The following SESTD1 variants were observed in gnomAD, a reference collection of about 807,000 sequenced individuals.
The protein encoded by SESTD1 is SEC14 and spectrin domain containing 1, also known as SEC14 domain and spectrin repeat-containing protein 1.
In SESTD1, 43 loss-of-function variants were observed where a neutral mutation model predicts 101.7. The observed-to-expected ratio is 0.42, with a 90% CI of 0.33 to 0.55. The LOEUF is 0.55. Ranked by LOEUF, SESTD1 falls within the 20% of genes least tolerant of loss-of-function variation. The probability of loss-of-function intolerance (pLI) is 0.07; values close to 1 mark genes in which losing one functional copy is unlikely to be tolerated. For missense variants in SESTD1, 647 were observed against 815.1 expected, an observed-to-expected ratio of 0.79 and a Z score of 2.51; for synonymous variants, 283 against 286.8, an observed-to-expected ratio of 0.99 and a Z score of 0.13.
At chr2:179,264,191 G>A (rs938239348) in intron 1 of SESTD1, 3 of 152,146 alleles carry the variant, frequency 2.0e-5, no homozygotes, top group Admixed American at 2.0e-4. Context: ...GCGCGGCCCG[G>A]TCTCTGCGGG....
chr2:179,200,449 A>G (rs1262304580), intron 1 of SESTD1, among the ~76,000 whole-genome samples: 1 of 149,570 alleles, frequency 6.7e-6, no homozygotes, highest in African/African-American at 2.5e-5. Context: ...ACCAAAAAAG[A>G]GCCCGCATCA....
In SESTD1 at chr2:179,227,617, T is replaced by A. The variant is rs190099274; in HGVS notation, c.-25-35751A>T. Among the ~76,000 whole-genome samples, 470 of 152,290 alleles carry A rather than the reference T, an allele frequency of 3.1e-3. 5 individuals are homozygous for A. Among genetic ancestry groups the A allele is most frequent in the African/African-American group, 0.011 (454 of 41,556 alleles). ...ATTTAAAAATACGGAACTATGATAA[T>A]TGTTTCCTTTACAAAAAATGATTTA... On this transcript the variant is annotated intron_variant, in intron 1 of 17. Coordinates refer to ENST00000428443, the MANE Select transcript of SESTD1 (RefSeq NM_178123.5).
chr2:179,235,523 T>TTTTTGG (rs1324768653), intron 1 of SESTD1, among the ~76,000 whole-genome samples: 2 of 152,206 alleles, frequency 1.3e-5, no homozygotes, highest in East Asian at 3.8e-4. Context: ...CCCACATACG[T>TTTTTGG]ATTATAAAAA....
intron 2 of SESTD1, among the ~76,000 whole-genome samples, chr2:179,189,069 C>A (rs539989048): frequency 1.3e-5 from 2 of 152,030 alleles, no homozygotes; most frequent in Non-Finnish European, 2.9e-5. Flanking sequence ...ATTCCCTCTT[C>A]TGTAAAGCCA....
intron 1 of SESTD1, among the ~76,000 whole-genome samples, chr2:179,234,945 T>TAA (rs35629599): frequency 6.1e-5 from 8 of 130,430 alleles, no homozygotes; most frequent in Non-Finnish European, 8.3e-5. Context: ...CTCATCTCTT[T>TAA]AAAAAAAAAA....
chr2:179,117,789 TACATCAAA>T (rs1164787444), intron 13 of SESTD1, among the ~76,000 whole-genome samples, 176 bp from the exon 14 acceptor site: 1 of 152,222 alleles, frequency 6.6e-6, no homozygotes, highest in Non-Finnish European at 1.5e-5. Context: ...ATATCAATGT[TACATCAAA>T]ACATCAAAAT....
At chr2:179,123,893 T>G in intron 11 of SESTD1, 64 bp from the exon 12 acceptor site, 1 of 1,186,652 alleles carries the variant, frequency 8.4e-7, no homozygotes, top group South Asian at 1.3e-5. Flanking sequence ...GTTTAATGAT[T>G]AATGAGGTTT....
At chr2:179,161,849 T>C (rs943473281) in intron 5 of SESTD1, among the ~76,000 whole-genome samples, 4 of 152,188 alleles carry the variant, frequency 2.6e-5, no homozygotes, top group African/African-American at 9.7e-5. Context: ...TAGATAACTC[T>C]TTGAATGTGT....
intron 1 of SESTD1, among the ~76,000 whole-genome samples, chr2:179,255,065 A>G (rs1346417081): frequency 6.6e-6 from 1 of 152,092 alleles, no homozygotes; most frequent in Non-Finnish European, 1.5e-5. Context: ...TAATCAATAC[A>G]TATTGTGTGT....
intron 10 of SESTD1, among the ~76,000 whole-genome samples, chr2:179,128,848 T>C (rs1161251417): frequency 6.6e-6 from 1 of 151,836 alleles, no homozygotes; most frequent in African/African-American, 2.4e-5. Context: ...TATATTTAAC[T>C]GTGTAGAAAA....
intron 16 of SESTD1, among the ~76,000 whole-genome samples, chr2:179,114,651 C>T (rs967506552): frequency 2.0e-5 from 3 of 151,912 alleles, no homozygotes; most frequent in East Asian, 1.9e-4. Flanking sequence ...TTTAATGTCC[C>T]GACTTTATAA....
At chr2:179,209,431 T>A (rs1226478262) in intron 1 of SESTD1, among the ~76,000 whole-genome samples, 4 of 134,780 alleles carry the variant, frequency 3.0e-5, no homozygotes, top group Non-Finnish European at 6.4e-5. Context: ...ATTCTTTTCA[T>A]CAGCATATGG....
intron 3 of SESTD1, among the ~76,000 whole-genome samples, chr2:179,178,882 A>G (rs1182978543): frequency 1.3e-5 from 2 of 152,248 alleles, no homozygotes; most frequent in African/African-American, 4.8e-5. Flanking sequence ...TTCAAAGCAC[A>G]CTATAAATTA....
chr2:179,210,065 A>G (rs2046632299), intron 1 of SESTD1, among the ~76,000 whole-genome samples: 1 of 134,092 alleles, frequency 7.5e-6, no homozygotes, highest in South Asian at 2.9e-4. Flanking sequence ...GAACACCATT[A>G]TGCACACAAA....
chr2:179,184,910 T>G (rs2046184324), intron 2 of SESTD1, among the ~76,000 whole-genome samples: 1 of 152,084 alleles, frequency 6.6e-6, no homozygotes, highest in Non-Finnish European at 1.5e-5. Context: ...TAATCACCAG[T>G]GTAAAAGTAC....
chr2:179,148,875 A>G (rs1478724067), intron 7 of SESTD1, among the ~76,000 whole-genome samples: 1 of 151,942 alleles, frequency 6.6e-6, no homozygotes, highest in Non-Finnish European at 1.5e-5. Flanking sequence ...TCTGGGTAAC[A>G]TGGTGAAACG....
At chr2:179,129,919 A>G (rs987622601) in intron 10 of SESTD1, among the ~76,000 whole-genome samples, 3 of 152,196 alleles carry the variant, frequency 2.0e-5, no homozygotes, top group East Asian at 1.9e-4. Context: ...CTTCCTATCC[A>G]GCTTCAATAA....
intron 5 of SESTD1, among the ~76,000 whole-genome samples, chr2:179,152,746 A>T (rs1383619720): frequency 6.6e-6 from 1 of 152,148 alleles, no homozygotes; most frequent in Non-Finnish European, 1.5e-5. Context: ...ATCAAATTTG[A>T]GTGTACAACA....
intron 1 of SESTD1, among the ~76,000 whole-genome samples, chr2:179,255,126 C>G (rs75068503): frequency 0.029 from 4,379 of 152,278 alleles, 57 homozygotes; most frequent in South Asian, 0.039. Context: ...TCCTTCTCCT[C>G]AGGCCTCTCT....
Sources: allele counts gnomAD v4.1 joint callset (sites outside exome capture counted in the v4.1 genomes callset), GRCh38; gene constraint gnomAD v4.1.1; transcripts MANE v1.5; gene names NCBI Gene and HGNC (gene_info 2026-07-23, HGNC 2026-07-21).